The following CPM variants were observed in gnomAD, a reference collection of about 807,000 sequenced individuals.
CPM encodes carboxypeptidase M.
Under a neutral mutation model 46.4 loss-of-function variants are expected in CPM, and 35 were observed. That is an observed-to-expected ratio of 0.75 (90% CI 0.58 to 1.00). The LOEUF is 1.00. CPM is among the 50% of genes least tolerant of loss of function. The pLI, the probability that CPM is intolerant of heterozygous loss-of-function variation, is 0.00. For missense variants in CPM, 422 were observed against 530.4 expected (o/e 0.80, Z 2.01); for synonymous variants, 195 against 195.3 (o/e 1.00, Z 0.01).
At chr12:68,915,215 A>G (rs1887756424) in intron 2 of CPM, among the ~76,000 whole-genome samples, 1 of 152,144 alleles carries the variant, frequency 6.6e-6, no homozygotes, top group South Asian at 2.1e-4. Context: ...TGAACAATCT[A>G]TTTTTTTCTT....
chr12:68,938,875 G>A (rs1039535461), intron 1 of CPM, among the ~76,000 whole-genome samples: 12 of 148,700 alleles, frequency 8.1e-5, no homozygotes, highest in Non-Finnish European at 1.5e-4. Context: ...CATATATTAT[G>A]TATATCTATT....
upstream of CPM, among the ~76,000 whole-genome samples, chr12:68,937,427 G>A (rs972812699): frequency 8.5e-5 from 13 of 152,142 alleles, no homozygotes; most frequent in African/African-American, 3.1e-4. Flanking sequence ...CAGAGGGCAG[G>A]GAGGCATTAA....
At chr12:68,913,510 T>C (rs1195978089) in intron 2 of CPM, among the ~76,000 whole-genome samples, 1 of 152,106 alleles carries the variant, frequency 6.6e-6, no homozygotes, top group African/African-American at 2.4e-5. Context: ...ATATATAGAA[T>C]ATATTTAATA....
intron 3 of CPM, among the ~76,000 whole-genome samples, chr12:68,881,494 TG>T (rs1450765952): frequency 6.6e-6 from 1 of 152,000 alleles, no homozygotes; most frequent in East Asian, 1.9e-4. Context: ...AACTAGAAAG[TG>T]GGGGATAAGA....
chr12:68,914,276 G>A (rs910968793), intron 2 of CPM, among the ~76,000 whole-genome samples: 22 of 150,400 alleles, frequency 1.5e-4, no homozygotes, highest in Admixed American at 6.7e-4. Flanking sequence ...GTTCCAGTAC[G>A]GGTTTTCCAA....
intron 2 of CPM, among the ~76,000 whole-genome samples, chr12:68,908,587 CA>C (rs1346210908): frequency 6.6e-6 from 1 of 152,064 alleles, no homozygotes; most frequent in African/African-American, 2.4e-5. Context: ...TATTGTCAGA[CA>C]TGAAATCTAT....
At chr12:68,912,176 T>C (rs1426282985) in intron 2 of CPM, among the ~76,000 whole-genome samples, 3 of 152,108 alleles carry the variant, frequency 2.0e-5, no homozygotes, top group African/African-American at 4.8e-5. Flanking sequence ...CTCGGCTAAT[T>C]TTGTATTTTT....
rs1445152090 is a variant in CPM at position 68,871,950 on chromosome 12, C to A, written c.265G>T (p.Gly89Trp). ...ATCAGATGGAGCAGCAGCTCCCGCCCAACAGTCTATATGTGTTAAAGAGAA... is the reference window on the plus strand; with the variant it reads ...ATCAGATGGAGCAGCAGCTCCCGCCAAACAGTCTATATGTGTTAAAGAGAA... ...VANMHGDETV[G>W]RELLLHLIDY... The change falls in exon 4 of 9, where the codon GGG becomes TGG. Residue 89 changes from glycine (G) to tryptophan (W), a missense_variant. Transcript: ENST00000551568. 5.0e-6 allele frequency: 8 copies of A among 1,613,882 alleles called. No homozygotes were observed. Among genetic ancestry groups the A allele is most frequent in the Non-Finnish European group, 6.8e-6 (8 of 1,179,974 alleles).
At chr12:68,866,320 C>T (rs1885440954) in intron 7 of CPM, among the ~76,000 whole-genome samples, 1 of 151,260 alleles carries the variant, frequency 6.6e-6, no homozygotes, top group Non-Finnish European at 1.5e-5. Context: ...TAGGGGGACT[C>T]TGGATGTTTG....
intron 2 of CPM, among the ~76,000 whole-genome samples, chr12:68,897,659 C>G (rs1350962312): frequency 6.6e-6 from 1 of 150,600 alleles, no homozygotes; most frequent in African/African-American, 2.5e-5. Flanking sequence ...ATCGCTTGAA[C>G]CCGGGAAGCA....
intron 2 of CPM, among the ~76,000 whole-genome samples, chr12:68,897,780 A>C (rs1264338783): frequency 1.3e-5 from 2 of 150,230 alleles, no homozygotes; most frequent in African/African-American, 4.9e-5. Context: ...AACTAGCACT[A>C]TACAGTTATT....
At chr12:68,953,803 G>A (rs1410340871) in intron 1 of CPM, among the ~76,000 whole-genome samples, 1 of 152,214 alleles carries the variant, frequency 6.6e-6, no homozygotes, top group African/African-American at 2.4e-5. Context: ...AACATGATAT[G>A]ATTCCAGTTG....
rs556452375 is a variant in CPM at position 68,875,449 on chromosome 12, T to C, written c.259-3493A>G. Reference sequence around the variant, plus strand: ...TAAAATACTATCAAAAGTTAAAATATATACACATAAAATGACTACAATTTC... The same window carrying C: ...TAAAATACTATCAAAAGTTAAAATACATACACATAAAATGACTACAATTTC... On this transcript the variant is annotated intron_variant, in intron 3 of 8. Coordinates refer to ENST00000551568, the MANE Select transcript of CPM (RefSeq NM_198320.5). 1.8e-4 allele frequency among the ~76,000 whole-genome samples: 27 copies of C among 152,226 alleles called. No homozygotes were observed. The South Asian group carries it at 3.9e-3, about 22-fold the overall frequency.
intron 2 of CPM, among the ~76,000 whole-genome samples, chr12:68,886,383 AG>A (rs1886430321): frequency 6.6e-6 from 1 of 152,030 alleles, no homozygotes; most frequent in East Asian, 1.9e-4. Flanking sequence ...CTGTAATCCC[AG>A]CACTCTAGGA....
intron 2 of CPM, among the ~76,000 whole-genome samples, chr12:68,920,416 A>C (rs896183812): frequency 6.6e-6 from 1 of 152,196 alleles, no homozygotes; most frequent in Non-Finnish European, 1.5e-5. Flanking sequence ...CCCCGTGAAA[A>C]GGATTTTAAC....
At chr12:68,958,859 C>T (rs958195479) in intron 1 of CPM, among the ~76,000 whole-genome samples, 3 of 152,158 alleles carry the variant, frequency 2.0e-5, no homozygotes, top group Non-Finnish European at 2.9e-5. Context: ...TATAGCCACA[C>T]GTGCCCTGAA....
At chr12:68,842,614 CAT>C (rs35517148) in intron 5 of CPM, 15,757 of 290,170 alleles carry the variant, frequency 0.054, 2,350 homozygotes, top group African/African-American at 0.32. Context: ...GAAATGTGGA[CAT>C]AAAATAGTTA....
At chr12:68,925,171 C>T (rs1888207564) in intron 2 of CPM, among the ~76,000 whole-genome samples, 2 of 151,982 alleles carry the variant, frequency 1.3e-5, no homozygotes, top group South Asian at 4.2e-4. Context: ...TTTTATTTTT[C>T]TTAATATGCA....
upstream of CPM, among the ~76,000 whole-genome samples, chr12:68,935,948 A>G (rs927976919): frequency 4.6e-5 from 7 of 152,158 alleles, no homozygotes; most frequent in Admixed American, 2.0e-4. Context: ...CAATACTGGA[A>G]TGGAGATTGC....
Sources: gnomAD v4.1 joint callset for allele counts (sites outside exome capture counted in the v4.1 genomes callset) on GRCh38, gnomAD v4.1.1 for gene constraint, MANE v1.5 for transcripts, NCBI Gene and HGNC (gene_info 2026-07-23, HGNC 2026-07-21) for gene names.